GSG1L: variants seen among roughly 807,000 people sequenced by gnomAD.
GSG1L encodes the protein GSG1 like.
A neutral mutation model predicts 42.1 loss-of-function variants in GSG1L; 24 were observed. That is an observed-to-expected ratio of 0.57 (90% CI 0.41 to 0.80). The LOEUF (loss-of-function observed/expected upper bound fraction) is 0.80, where lower values mean the gene tolerates loss of function less well. GSG1L is among the 30% of genes least tolerant of loss of function. GSG1L has a pLI of 0.00. For missense variants in GSG1L, 445 were observed against 472.2 expected (o/e 0.94, Z 0.53); for synonymous variants, 215 against 203.5 (o/e 1.06, Z -0.48).
At chr16:27,936,408 C>G (rs1763600531) in intron 2 of GSG1L, among the ~76,000 whole-genome samples, 1 of 152,022 alleles carries the variant, frequency 6.6e-6, no homozygotes, top group Non-Finnish European at 1.5e-5. Context: ...AGTTCTCACT[C>G]TATTCGTTTC....
chr16:27,871,074 C>T (rs918455362), intron 3 of GSG1L, among the ~76,000 whole-genome samples: 6 of 147,258 alleles, frequency 4.1e-5, no homozygotes, highest in African/African-American at 1.6e-4. Context: ...CCTCACTTTC[C>T]CCTTTCCCAA....
intron 5 of GSG1L, among the ~76,000 whole-genome samples, chr16:27,822,721 T>C (rs1862454): frequency 0.25 from 38,173 of 152,104 alleles, 5,101 homozygotes; most frequent in South Asian, 0.4. Flanking sequence ...CCTGGCCTAA[T>C]ATTGTTAATA....
intron 1 of GSG1L, among the ~76,000 whole-genome samples, chr16:28,047,790 C>A (rs966425814): frequency 1.3e-5 from 2 of 152,090 alleles, no homozygotes; most frequent in East Asian, 3.8e-4. Context: ...TGATGAACAA[C>A]ATAGACTCAA....
chr16:27,961,689 A>C (rs1200418732), intron 2 of GSG1L, among the ~76,000 whole-genome samples: 2 of 152,224 alleles, frequency 1.3e-5, no homozygotes, highest in South Asian at 4.1e-4. Context: ...TGTGTTTCCC[A>C]GTGATCTCAA....
chr16:27,980,541 G>A lies in GSG1L; in HGVS notation c.350-17338C>T, dbSNP rs187317225. 3.3e-3 allele frequency among the ~76,000 whole-genome samples: 500 copies of A among 152,256 alleles called. 1 individual carries two copies. Among genetic ancestry groups the A allele is most frequent in the African/African-American group, 0.011 (477 of 41,536 alleles). ...ACATGCATCAATTGCTAATCTGCAC[G>A]ACAGCCTATGAGGCAGCTCCTATGA... is the stretch of plus-strand genomic sequence containing the variant. On this transcript the variant is annotated intron_variant, in intron 1 of 6. Transcript: ENST00000447459.
chr16:28,003,679 G>A (rs976851085), intron 1 of GSG1L, among the ~76,000 whole-genome samples: 10 of 152,268 alleles, frequency 6.6e-5, no homozygotes, highest in South Asian at 4.1e-4. Flanking sequence ...CAAAGTGTCC[G>A]TTCCCCAGTG....
At chr16:27,877,405 G>T (rs886848386) in intron 3 of GSG1L, among the ~76,000 whole-genome samples, 2 of 152,102 alleles carry the variant, frequency 1.3e-5, no homozygotes, top group African/African-American at 4.8e-5. Context: ...AGACAAATAT[G>T]ACCCTGTCTA....
intron 2 of GSG1L, among the ~76,000 whole-genome samples, chr16:27,962,616 G>A (rs1490556766): frequency 1.3e-5 from 2 of 152,184 alleles, no homozygotes; most frequent in Admixed American, 6.5e-5. Flanking sequence ...GACTCAAGCT[G>A]TGCCCTGCTC....
At chr16:27,995,906 A>ACACACG (rs2085510140) in intron 1 of GSG1L, among the ~76,000 whole-genome samples, 1 of 151,798 alleles carries the variant, frequency 6.6e-6, no homozygotes, top group Admixed American at 6.6e-5. Context: ...ACACACACAC[A>ACACACG]CACACACACA....
intron 1 of GSG1L, among the ~76,000 whole-genome samples, chr16:28,046,753 T>A (rs1337346632): frequency 6.6e-6 from 1 of 152,132 alleles, no homozygotes; most frequent in Admixed American, 6.6e-5. Context: ...TTGTCCCTGT[T>A]CCTCAAAGTC....
At chr16:27,794,802 G>A (rs1465276909) in intron 6 of GSG1L, among the ~76,000 whole-genome samples, 1 of 152,164 alleles carries the variant, frequency 6.6e-6, no homozygotes, top group Non-Finnish European at 1.5e-5. Flanking sequence ...TTCGTTCCAT[G>A]ATTCTGTTCC....
rs185398211 is a variant in GSG1L at position 27,842,323 on chromosome 16, A to G, written c.662+2627T>C. 1.2e-3 allele frequency among the ~76,000 whole-genome samples: 185 copies of G among 152,214 alleles called. 1 individual carries two copies. Among genetic ancestry groups the G allele is most frequent in the Middle Eastern group, 3.4e-3 (1 of 294 alleles). The stretch of plus-strand genomic sequence containing the variant: ...CATCAATGAACTCTCATTATTACCC[A>G]TCTTCTCAGAGAGGCTTCCAGTATG... On this transcript the variant is annotated intron_variant, in intron 4 of 6. Coordinates refer to ENST00000447459, the MANE Select transcript of GSG1L (RefSeq NM_001109763.2).
chr16:27,974,125 C>T (rs1162001048), intron 1 of GSG1L, among the ~76,000 whole-genome samples: 6 of 152,074 alleles, frequency 3.9e-5, no homozygotes, highest in Non-Finnish European at 8.8e-5. Context: ...TCCCAGAGGC[C>T]CACTGGAGGG....
chr16:27,903,715 C>T (rs1177470566), intron 2 of GSG1L, among the ~76,000 whole-genome samples: 1 of 152,130 alleles, frequency 6.6e-6, no homozygotes, highest in East Asian at 1.9e-4. Context: ...CAGGGCAGGC[C>T]AGAAGTCAGG....
At chr16:27,806,712 A>G (rs1395894032) in intron 6 of GSG1L, among the ~76,000 whole-genome samples, 1 of 152,184 alleles carries the variant, frequency 6.6e-6, no homozygotes, top group African/African-American at 2.4e-5. Flanking sequence ...AAGGTCTGAG[A>G]GAGGTGGCCA....
intron 5 of GSG1L, among the ~76,000 whole-genome samples, chr16:27,814,367 C>G (rs1338656559): frequency 6.6e-6 from 1 of 152,188 alleles, no homozygotes; most frequent in African/African-American, 2.4e-5. Flanking sequence ...CCACCTTGGC[C>G]TTCCAAAAAG....
intron 5 of GSG1L, among the ~76,000 whole-genome samples, chr16:27,813,375 C>G (rs1014886816): frequency 6.6e-6 from 1 of 152,162 alleles, no homozygotes; most frequent in African/African-American, 2.4e-5. Context: ...CCTCCAGGCT[C>G]CATCCATGTT....
At chr16:27,888,463 TCTCTCTCTCTCTCTCTTTC>T (rs1241844569) in intron 2 of GSG1L, among the ~76,000 whole-genome samples, 3,323 of 16,950 alleles carry the variant, frequency 0.2, 365 homozygotes, top group South Asian at 0.35. Flanking sequence ...TTTCTTTCTT[TCTCTCTCTCTCTCTCTTTC>T]CTTTCTTTCT....
At chr16:28,033,666 G>A (rs910597917) in intron 1 of GSG1L, among the ~76,000 whole-genome samples, 1 of 152,086 alleles carries the variant, frequency 6.6e-6, no homozygotes, top group Non-Finnish European at 1.5e-5. Context: ...AATAATCATT[G>A]TGTATTAAAC....
Sources: allele counts gnomAD v4.1 joint callset (sites outside exome capture counted in the v4.1 genomes callset), GRCh38; gene constraint gnomAD v4.1.1; transcripts MANE v1.5; gene names NCBI Gene and HGNC (gene_info 2026-07-23, HGNC 2026-07-21).